Variants in SCFD2 observed in about 807,000 individuals in gnomAD.
SCFD2 encodes the protein sec1 family domain-containing protein 2.
In SCFD2, 54 loss-of-function variants were observed where a neutral mutation model predicts 58.9. The observed-to-expected ratio is 0.92, with a 90% CI of 0.74 to 1.15. The LOEUF is 1.15. Among genes scored for constraint, SCFD2 ranks in the 50% most tolerant of loss-of-function variants. The pLI is 0.00. For missense variants in SCFD2, 805 were observed against 836.6 expected (o/e 0.96, Z 0.47); for synonymous variants, 321 against 335.9 (o/e 0.96, Z 0.49).
At chr4:53,040,735 T>G (rs1226943920) in intron 5 of SCFD2, among the ~76,000 whole-genome samples, 1 of 152,218 alleles carries the variant, frequency 6.6e-6, no homozygotes, top group Non-Finnish European at 1.5e-5. Context: ...CTTTTAGTAG[T>G]GGGTTCATTA....
At chr4:53,128,042 C>A (rs1577753841) in intron 5 of SCFD2, among the ~76,000 whole-genome samples, 1 of 103,912 alleles carries the variant, frequency 9.6e-6, no homozygotes, top group African/African-American at 3.9e-5. Context: ...GAACAAGGGC[C>A]ATGTCCTAAA....
intron 5 of SCFD2, among the ~76,000 whole-genome samples, chr4:53,097,491 T>C (rs1289997274): frequency 6.6e-6 from 1 of 152,170 alleles, no homozygotes; most frequent in Non-Finnish European, 1.5e-5. Context: ...TGAATAGGAG[T>C]TCACTCATGA....
At chr4:53,154,540 C>A (rs1726606907) in intron 4 of SCFD2, among the ~76,000 whole-genome samples, 1 of 152,188 alleles carries the variant, frequency 6.6e-6, no homozygotes, top group East Asian at 1.9e-4. Context: ...CACATTTCAA[C>A]ATGAGATTTG....
At chr4:53,196,539 G>A (rs535319322) in intron 4 of SCFD2, among the ~76,000 whole-genome samples, 5 of 152,228 alleles carry the variant, frequency 3.3e-5, no homozygotes, top group South Asian at 2.1e-4. Flanking sequence ...GACCATTCGC[G>A]AGAGACTGGA....
At chr4:53,101,806 T>C (rs1194409037) in intron 5 of SCFD2, among the ~76,000 whole-genome samples, 3 of 152,176 alleles carry the variant, frequency 2.0e-5, no homozygotes, top group African/African-American at 4.8e-5. Context: ...CAAAAGATGT[T>C]TGTACTCACT....
At chr4:53,319,757 C>A (rs1274498814) in intron 2 of SCFD2, among the ~76,000 whole-genome samples, 3 of 152,096 alleles carry the variant, frequency 2.0e-5, no homozygotes, top group Non-Finnish European at 4.4e-5. Flanking sequence ...GTCTCAAACT[C>A]CTGACCTCAG....
chr4:53,003,052 A>G (rs11133241), intron 5 of SCFD2, among the ~76,000 whole-genome samples: 148,104 of 152,292 alleles, frequency 0.97, 72,167 homozygotes, highest in Middle Eastern at 1. Context: ...ACCCATTCAC[A>G]AGAACTCTGC....
intron 4 of SCFD2, among the ~76,000 whole-genome samples, chr4:53,185,952 A>T (rs955194336): frequency 1.3e-5 from 2 of 152,154 alleles, no homozygotes; most frequent in Non-Finnish European, 2.9e-5. Context: ...TAACACAAAA[A>T]AATCAAAGGG....
At chr4:52,932,915 T>C (rs371745290) in intron 5 of SCFD2, among the ~76,000 whole-genome samples, 17 of 152,270 alleles carry the variant, frequency 1.1e-4, no homozygotes, top group African/African-American at 4.1e-4. Flanking sequence ...GGAGGCAGCA[T>C]GAATTAGTGT....
intron 7 of SCFD2, among the ~76,000 whole-genome samples, chr4:52,886,349 C>T (rs1348530201): frequency 6.6e-6 from 1 of 152,236 alleles, no homozygotes. Context: ...TGCATCCCCT[C>T]TCTGCTGAGA....
Position 53,200,579 on chromosome 4 carries a change from AACACTGGGCTTCCT to A in SCFD2, c.1312-55011_1312-54998del, listed in dbSNP as rs1728199700. ...AAAGCAATAATCTGTTTCTGGAAAG[AACACTGGGCTTCCT>A]GTTTGAAAAGTCAGAAGATAGGACA... On this transcript the variant is annotated intron_variant, in intron 4 of 8. Coordinates refer to ENST00000401642, the MANE Select transcript of SCFD2 (RefSeq NM_152540.4). 2.6e-5 allele frequency among the ~76,000 whole-genome samples: 4 copies of A among 152,260 alleles called. No individual in the cohort carries two copies. In the South Asian group the frequency reaches 8.3e-4, roughly 32 times the overall value.
At chr4:53,159,259 G>A (rs1726781421) in intron 4 of SCFD2, among the ~76,000 whole-genome samples, 1 of 152,156 alleles carries the variant, frequency 6.6e-6, no homozygotes, top group Non-Finnish European at 1.5e-5. Flanking sequence ...CCTGTAATAT[G>A]GCTATAATTA....
rs776943980 is a variant in SCFD2 at position 53,097,948 on chromosome 4, G to A, written c.1561+47385C>T. ...GAAGGGCTGTTGAATTTTGTCAAAG[G>A]CCTTTTCTGCATCTATTGAGATAAT... is the stretch of plus-strand genomic sequence containing the variant. On this transcript the variant is annotated intron_variant, in intron 5 of 8. Transcript: ENST00000401642. Among the ~76,000 whole-genome samples the A allele has an allele frequency of 1.1e-4, 17 of 152,142 alleles. 1 individual carries two copies. The highest frequency in any genetic ancestry group is 1.1e-3 in the Admixed American group (17 of 15,280).
rs1389294737 is a variant in SCFD2, at chr4:53,202,601, G to A, written c.1312-57019C>T. ...GCTAGATGGGGATGGCATTGAATCT[G>A]TAAATTACCTTGGGCAGTATGGCCA... is the stretch of plus-strand genomic sequence containing the variant. On this transcript the variant is annotated intron_variant, in intron 4 of 8. Transcript: ENST00000401642. Among the ~76,000 whole-genome samples, 4 of 152,216 alleles carry A rather than the reference G, an allele frequency of 2.6e-5. No homozygotes were observed. In the East Asian group the frequency reaches 5.8e-4, roughly 22 times the overall value.
At chr4:53,230,018 A>C (rs550694484) in intron 4 of SCFD2, among the ~76,000 whole-genome samples, 1 of 152,260 alleles carries the variant, frequency 6.6e-6, no homozygotes, top group Non-Finnish European at 1.5e-5. Context: ...AAACACATGA[A>C]AAAATGCTCA....
chr4:53,302,215 C>T (rs1404658593), intron 3 of SCFD2, among the ~76,000 whole-genome samples: 1 of 152,092 alleles, frequency 6.6e-6, no homozygotes, highest in Non-Finnish European at 1.5e-5. Flanking sequence ...TCATCTGAGC[C>T]CAAAATCTCC....
intron 4 of SCFD2, among the ~76,000 whole-genome samples, chr4:53,197,408 T>G (rs1429419295): frequency 6.6e-6 from 1 of 152,040 alleles, no homozygotes; most frequent in Non-Finnish European, 1.5e-5. Flanking sequence ...TGCTCACACT[T>G]AAAAGGACTC....
chr4:53,243,018 T>C (rs1322141770), intron 4 of SCFD2, among the ~76,000 whole-genome samples: 3 of 152,146 alleles, frequency 2.0e-5, no homozygotes, highest in South Asian at 2.1e-4. Flanking sequence ...ATTAGTGTTA[T>C]AGAGATGGGG....
At chr4:52,950,795 T>G (rs1720572024) in intron 5 of SCFD2, 1 of 152,000 alleles carries the variant, frequency 6.6e-6, no homozygotes, top group African/African-American at 2.4e-5. Flanking sequence ...CACCAGGACC[T>G]TGTGGACTGA....
Sources: allele counts gnomAD v4.1 joint callset (sites outside exome capture counted in the v4.1 genomes callset), GRCh38; gene constraint gnomAD v4.1.1; transcripts MANE v1.5; gene names NCBI Gene and HGNC (gene_info 2026-07-23, HGNC 2026-07-21).